SLC25A26: variants seen among roughly 807,000 people sequenced by gnomAD.
The protein encoded by SLC25A26 is mitochondrial S-adenosylmethionine carrier protein.
SLC25A26 carries 36 observed loss-of-function variants against 37.8 expected under a neutral mutation model. That is an observed-to-expected ratio of 0.95 (90% CI 0.73 to 1.26). The LOEUF is 1.26. Ranked by LOEUF, SLC25A26 falls within the 50% of genes most tolerant of loss-of-function variation. The pLI is 0.00. For synonymous variants in SLC25A26, 129 were observed against 122.5 expected, an observed-to-expected ratio of 1.05 and a Z score of -0.35; for missense variants, 390 against 331.1, an observed-to-expected ratio of 1.18 and a Z score of -1.38.
intron 5 of SLC25A26, among the ~76,000 whole-genome samples, chr3:66,286,748 C>G (rs1312774184): frequency 6.6e-6 from 1 of 152,102 alleles, no homozygotes; most frequent in African/African-American, 2.4e-5. Flanking sequence ...GGCGTGATCT[C>G]AGCTCACTGC....
chr3:66,193,846 C>G (rs2070991992), intron 1 of SLC25A26, among the ~76,000 whole-genome samples: 2 of 152,190 alleles, frequency 1.3e-5, no homozygotes, highest in Non-Finnish European at 2.9e-5. Context: ...CCTATCATCA[C>G]ACGGACAAGA....
chr3:66,175,285 C>CA (rs2070569735), intron 1 of SLC25A26, among the ~76,000 whole-genome samples: 2 of 151,938 alleles, frequency 1.3e-5, no homozygotes, highest in Middle Eastern at 3.4e-3. Flanking sequence ...ACTGTTGTGG[C>CA]ATGATCTTGG....
intron 1 of SLC25A26, among the ~76,000 whole-genome samples, chr3:66,174,070 A>G (rs914741759): frequency 2.0e-5 from 3 of 152,074 alleles, no homozygotes; most frequent in Non-Finnish European, 4.4e-5. Flanking sequence ...AAAAAAAAAA[A>G]ACATGAAAGT....
chr3:66,191,145 G>A (rs1307627917), intron 1 of SLC25A26, among the ~76,000 whole-genome samples: 1 of 152,176 alleles, frequency 6.6e-6, no homozygotes, highest in African/African-American at 2.4e-5. Context: ...CAGCCCTACT[G>A]TAAGGGACAA....
intron 1 of SLC25A26, among the ~76,000 whole-genome samples, chr3:66,214,766 A>G (rs1419259151): frequency 1.3e-5 from 2 of 152,214 alleles, no homozygotes; most frequent in Non-Finnish European, 2.9e-5. Flanking sequence ...AATTTTTAAT[A>G]ACAAAGCTAT....
At chr3:66,355,859 A>T (rs546123883) in intron 6 of SLC25A26, among the ~76,000 whole-genome samples, 10 of 152,376 alleles carry the variant, frequency 6.6e-5, no homozygotes, top group Admixed American at 4.6e-4. Flanking sequence ...ACCTACCCAG[A>T]GGATGATATC....
chr3:66,179,352 T>C (rs576676690), intron 1 of SLC25A26, among the ~76,000 whole-genome samples: 1 of 152,352 alleles, frequency 6.6e-6, no homozygotes, highest in Admixed American at 6.5e-5. Context: ...CAACTATGCG[T>C]TAGTCTTGCT....
intron 5 of SLC25A26, among the ~76,000 whole-genome samples, chr3:66,274,631 C>T (rs978571915): frequency 5.8e-4 from 88 of 152,350 alleles, no homozygotes; most frequent in African/African-American, 2.1e-3. Context: ...ATTTATGCAG[C>T]CAAAAGACAC....
chr3:66,334,280 G>A lies in SLC25A26; in HGVS notation c.454-12084G>A, dbSNP rs137867461. ...CTTAGCCAATGGAGTATGAGTGGAT[G>A]TATATCAGTTCTGAACAGAAGCTTT... is the stretch of plus-strand genomic sequence containing the variant. On this transcript the variant is annotated intron_variant, in intron 5 of 9. Transcript: ENST00000354883. Among the ~76,000 whole-genome samples, 796 of 152,220 alleles carry A rather than the reference G, an allele frequency of 5.2e-3. 11 individuals carry two copies. Among genetic ancestry groups the A allele is most frequent in the African/African-American group, 0.014 (596 of 41,536 alleles).
At chr3:66,264,852 T>C (rs1358231399) in intron 5 of SLC25A26, among the ~76,000 whole-genome samples, 1 of 152,204 alleles carries the variant, frequency 6.6e-6, no homozygotes, top group Non-Finnish European at 1.5e-5. Flanking sequence ...GTCCTGGCAC[T>C]GCAGGTGATT....
At chr3:66,322,922 T>C (rs1216161017) in intron 5 of SLC25A26, among the ~76,000 whole-genome samples, 8 of 149,810 alleles carry the variant, frequency 5.3e-5, no homozygotes, top group African/African-American at 1.7e-4. Context: ...TTTCCCCCAA[T>C]CTGTTTTTTA....
At chr3:66,234,196 G>A (rs2072165517) in intron 1 of SLC25A26, among the ~76,000 whole-genome samples, 1 of 152,132 alleles carries the variant, frequency 6.6e-6, no homozygotes, top group African/African-American at 2.4e-5. Flanking sequence ...GGGCTCAAGC[G>A]ATCCTCCTGC....
chr3:66,161,123 A>G (rs2070352339), intron 1 of SLC25A26, among the ~76,000 whole-genome samples: 1 of 152,116 alleles, frequency 6.6e-6, no homozygotes, highest in African/African-American at 2.4e-5. Flanking sequence ...GCAATTACCA[A>G]AAGGATAGAA....
At chr3:66,139,910 G>C (rs1222432023) in intron 1 of SLC25A26, among the ~76,000 whole-genome samples, 1 of 152,142 alleles carries the variant, frequency 6.6e-6, no homozygotes, top group Non-Finnish European at 1.5e-5. Context: ...ATGGCCCCAA[G>C]CTTAACCTAA....
At chr3:66,221,284 CCA>C (rs1177987140) in intron 1 of SLC25A26, 157 bp downstream of exon 1, 21 of 352,202 alleles carry the variant, frequency 6.0e-5, no homozygotes, top group Non-Finnish European at 8.4e-5. Flanking sequence ...GGCTCCCAGG[CCA>C]CCGGCGGGCC....
chr3:66,242,260 G>C (rs1195333824), intron 2 of SLC25A26, among the ~76,000 whole-genome samples: 1 of 152,142 alleles, frequency 6.6e-6, no homozygotes, highest in African/African-American at 2.4e-5. Context: ...AGGTATTATA[G>C]CTGCACATTT....
At chr3:66,377,204 C>CA (rs1256331180) in intron 9 of SLC25A26, among the ~76,000 whole-genome samples, 1 of 152,218 alleles carries the variant, frequency 6.6e-6, no homozygotes, top group African/African-American at 2.4e-5. Flanking sequence ...CAGGTGGAGG[C>CA]ATGCTGCCCC....
chr3:66,295,858 C>A (rs769211059), intron 5 of SLC25A26, among the ~76,000 whole-genome samples: 1 of 151,946 alleles, frequency 6.6e-6, no homozygotes, highest in Non-Finnish European at 1.5e-5. Context: ...CGGTGGCTCA[C>A]GCCTGTAATC....
chr3:66,192,675 C>T (rs1336211562), intron 1 of SLC25A26, among the ~76,000 whole-genome samples: 1 of 152,000 alleles, frequency 6.6e-6, no homozygotes, highest in Non-Finnish European at 1.5e-5. Context: ...CAGAGTAAAG[C>T]AAGATAAATG....
Sources: allele counts gnomAD v4.1 joint callset (sites outside exome capture counted in the v4.1 genomes callset), GRCh38; gene constraint gnomAD v4.1.1; transcripts MANE v1.5; gene names NCBI Gene and HGNC (gene_info 2026-07-23, HGNC 2026-07-21).